The following LMLN variants were observed in gnomAD, a reference collection of about 807,000 sequenced individuals.
LMLN encodes leishmanolysin like peptidase, also known as leishmanolysin-like peptidase.
In LMLN, 70 loss-of-function variants were observed where a neutral mutation model predicts 92.3. The observed-to-expected ratio is 0.76, with a 90% CI of 0.63 to 0.92. LMLN has a LOEUF of 0.92. LMLN is among the 40% of genes least tolerant of loss of function. The probability of loss-of-function intolerance (pLI) is 0.00; values close to 1 mark genes in which losing one functional copy is unlikely to be tolerated. For synonymous variants in LMLN, 308 were observed against 296.2 expected, an observed-to-expected ratio of 1.04 and a Z score of -0.41; for missense variants, 691 against 814.6, an observed-to-expected ratio of 0.85 and a Z score of 1.85.
At chr3:198,029,071 G>A (rs752842607) in intron 14 of LMLN, among the ~76,000 whole-genome samples, 5 of 152,212 alleles carry the variant, frequency 3.3e-5, no homozygotes, top group Non-Finnish European at 4.4e-5. Flanking sequence ...GCTGCATTTC[G>A]GCTGTGTTGC....
At chr3:197,999,519 A>C in intron 11 of LMLN, 177 bp downstream of exon 11, 1 of 594,120 alleles carries the variant, frequency 1.7e-6, no homozygotes, top group Non-Finnish European at 3.0e-6. Context: ...TCATTCGTTC[A>C]TTCAATAAAT....
At chr3:197,971,685 A>G (rs1045582951) in intron 1 of LMLN, among the ~76,000 whole-genome samples, 7 of 152,116 alleles carry the variant, frequency 4.6e-5, no homozygotes, top group African/African-American at 1.7e-4. Flanking sequence ...CCCGGGTTCA[A>G]GTGATTCTCA....
intron 8 of LMLN, among the ~76,000 whole-genome samples, chr3:197,989,735 A>G (rs541341154): frequency 4.0e-5 from 6 of 151,324 alleles, no homozygotes; most frequent in African/African-American, 1.2e-4. Flanking sequence ...TAAAACACTT[A>G]TCAGGGCTAG....
intron 11 of LMLN, among the ~76,000 whole-genome samples, chr3:198,006,609 T>C (rs551226703): frequency 1.3e-5 from 2 of 152,296 alleles, no homozygotes; most frequent in African/African-American, 4.8e-5. Context: ...CGTAGTGATA[T>C]TTTATTTTGG....
rs991213269 is a variant in LMLN at position 198,021,430 on chromosome 3, A to G, written c.1366-16A>G. The G allele has an allele frequency of 6.2e-7, 1 of 1,610,522 alleles. No homozygotes were observed. The highest frequency in any genetic ancestry group is 1.7e-5 in the Admixed American group (1 of 59,354). On this transcript the variant is annotated splice_polypyrimidine_tract_variant and intron_variant, in intron 12 of 15. Coordinates refer to ENST00000330198, the Ensembl canonical transcript of LMLN. ...ATGTTTCTTACTTTCTTGTCTTCCCAATATTTTTTCTGCAGTACTTTGATG... is the reference window on the plus strand; with the variant it reads ...ATGTTTCTTACTTTCTTGTCTTCCCGATATTTTTTCTGCAGTACTTTGATG...
chr3:197,965,021 A>G (rs553568367), intron 1 of LMLN, among the ~76,000 whole-genome samples: 13 of 151,322 alleles, frequency 8.6e-5, no homozygotes, highest in Non-Finnish European at 1.3e-4. Flanking sequence ...AAAAAAAAAA[A>G]AAAGAAAGAA....
At chr3:198,002,784 C>G (rs1449874941) in intron 11 of LMLN, among the ~76,000 whole-genome samples, 1 of 152,174 alleles carries the variant, frequency 6.6e-6, no homozygotes, top group African/African-American at 2.4e-5. Flanking sequence ...ATACTTATGT[C>G]AAAGTATAAA....
chr3:197,960,425 C>G, exon 1 of LMLN: 1 of 1,613,822 alleles, frequency 6.2e-7, no homozygotes. Flanking sequence ...GGCACCACGT[C>G]CCCTCTGACA....
At chr3:197,968,238 G>A (rs566995680) in intron 1 of LMLN, among the ~76,000 whole-genome samples, 18 of 151,976 alleles carry the variant, frequency 1.2e-4, no homozygotes, top group South Asian at 2.1e-4. Context: ...AGGCCGAGGC[G>A]GGCGGATCAC....
intron 5 of LMLN, among the ~76,000 whole-genome samples, chr3:197,979,955 T>C (rs973189236): frequency 6.6e-6 from 1 of 152,230 alleles, no homozygotes; most frequent in African/African-American, 2.4e-5. Context: ...GAATTAATTG[T>C]AGATTCAAAG....
chr3:198,035,774 A>T, intron 14 of LMLN, 59 bp from the exon 16 acceptor site: 1 of 1,290,830 alleles, frequency 7.7e-7, no homozygotes, highest in Middle Eastern at 2.4e-4. Context: ...GAAATCTCTT[A>T]GAATCTTACT....
intron 1 of LMLN, among the ~76,000 whole-genome samples, chr3:197,973,162 A>G (rs1721276125): frequency 6.6e-6 from 1 of 152,010 alleles, no homozygotes; most frequent in Admixed American, 6.6e-5. Flanking sequence ...CGGACTTTGT[A>G]ATGTGTTATC....
chr3:197,982,442 T>G (rs1447101432), intron 6 of LMLN, among the ~76,000 whole-genome samples: 1 of 152,126 alleles, frequency 6.6e-6, no homozygotes, highest in Non-Finnish European at 1.5e-5. Context: ...GTCAGGCTGG[T>G]CTTGAACTCC....
chr3:198,008,618 T>A (rs932037186), intron 11 of LMLN, among the ~76,000 whole-genome samples: 1 of 152,166 alleles, frequency 6.6e-6, no homozygotes, highest in Non-Finnish European at 1.5e-5. Context: ...TCCCAGCTAC[T>A]CAGAAGGCTG....
intron 14 of LMLN, among the ~76,000 whole-genome samples, chr3:198,026,275 A>T (rs1186498229): frequency 6.7e-6 from 1 of 150,102 alleles, no homozygotes; most frequent in African/African-American, 2.5e-5. Flanking sequence ...CACTATCAAG[A>T]TATATTTTAC....
At chr3:197,968,233 G>A (rs185775175) in intron 1 of LMLN, among the ~76,000 whole-genome samples, 1,863 of 152,184 alleles carry the variant, frequency 0.012, 16 homozygotes, top group Non-Finnish European at 0.017. Flanking sequence ...TTGGGAGGCC[G>A]AGGCGGGCGG....
chr3:197,967,174 A>G (rs1213185007), intron 1 of LMLN, among the ~76,000 whole-genome samples: 1 of 152,228 alleles, frequency 6.6e-6, no homozygotes, highest in Non-Finnish European at 1.5e-5. Flanking sequence ...TTTTTTACCA[A>G]CTACCTGCAA....
At chr3:198,015,616 C>T (rs1322942743) in intron 11 of LMLN, among the ~76,000 whole-genome samples, 3 of 142,748 alleles carry the variant, frequency 2.1e-5, no homozygotes, top group East Asian at 2.1e-4. Flanking sequence ...CTCCACCCTT[C>T]AGAGCCCCCT....
At chr3:197,982,084 G>T (rs1296033705) in intron 6 of LMLN, among the ~76,000 whole-genome samples, 2 of 152,090 alleles carry the variant, frequency 1.3e-5, no homozygotes, top group African/African-American at 2.4e-5. Flanking sequence ...AGGATTACAG[G>T]TGTGAGCCAC....
Sources: gnomAD v4.1 joint callset for allele counts (sites outside exome capture counted in the v4.1 genomes callset) on GRCh38, gnomAD v4.1.1 for gene constraint, MANE v1.5 for transcripts, NCBI Gene and HGNC (gene_info 2026-07-23, HGNC 2026-07-21) for gene names.